The following FER1L6 variants were observed in gnomAD, a reference collection of about 807,000 sequenced individuals.
The protein encoded by FER1L6 is fer-1 like family member 6.
Under a neutral mutation model 219.2 loss-of-function variants are expected in FER1L6, and 177 were observed. That is an observed-to-expected ratio of 0.81 (90% confidence interval 0.71 to 0.91). The LOEUF is 0.91. Ranked by LOEUF, FER1L6 falls within the 40% of genes least tolerant of loss-of-function variation. The probability of loss-of-function intolerance (pLI) is 0.00; values close to 1 mark genes in which losing one functional copy is unlikely to be tolerated. For synonymous variants in FER1L6, 768 were observed against 824.3 expected (o/e 0.93, Z 1.17); for missense variants, 2,153 against 2,259.9 (o/e 0.95, Z 0.96).
rs551744004 is a variant in FER1L6 at position 123,979,970 on chromosome 8, C to T, written c.1064-495C>T. Among the ~76,000 whole-genome samples, 10 of 152,330 alleles carry T rather than the reference C, an allele frequency of 6.6e-5. No homozygotes were observed. In the East Asian group the frequency reaches 1.7e-3, roughly 26 times the overall value. On this transcript the variant is annotated intron_variant, in intron 10 of 40. Coordinates refer to ENST00000522917, the MANE Select transcript of FER1L6 (RefSeq NM_001039112.2). Reference sequence around the variant, plus strand: ...TTCTAACTGGCACATGCTCCTCCCTCTAGCCAGAACACACACTCTCTCTCT... The same window carrying T: ...TTCTAACTGGCACATGCTCCTCCCTTTAGCCAGAACACACACTCTCTCTCT...
intron 2 of FER1L6, among the ~76,000 whole-genome samples, chr8:123,960,616 T>C (rs2130165716): frequency 6.6e-6 from 1 of 152,232 alleles, no homozygotes; most frequent in African/African-American, 2.4e-5. Flanking sequence ...TCAGTATCAC[T>C]GGGCCAAAAT....
intron 1 of FER1L6, among the ~76,000 whole-genome samples, chr8:123,893,966 A>G (rs528342065): frequency 6.6e-6 from 1 of 152,170 alleles, no homozygotes; most frequent in Non-Finnish European, 1.5e-5. Flanking sequence ...TGCCCACAGC[A>G]CCCCTCCTCA....
chr8:123,975,147 C>A lies in FER1L6; in HGVS notation c.527-3C>A. ...GATGTGAGCTGTCAGGGTGCTTTCACAGGTCATCAGTTCTGCAACAAGTGG... is the reference window on the plus strand; with the variant it reads ...GATGTGAGCTGTCAGGGTGCTTTCAAAGGTCATCAGTTCTGCAACAAGTGG... On this transcript the variant is annotated splice_polypyrimidine_tract_variant and splice_region_variant and intron_variant, in intron 7 of 40. Coordinates refer to ENST00000522917, the MANE Select transcript of FER1L6 (RefSeq NM_001039112.2). The A allele has an allele frequency of 6.3e-7, 1 of 1,586,596 alleles. No homozygotes were observed. The highest frequency in any genetic ancestry group is 8.6e-7 in the Non-Finnish European group (1 of 1,164,366).
intron 1 of FER1L6, chr8:123,925,010 T>C (rs1466890121): frequency 6.6e-6 from 1 of 152,236 alleles, no homozygotes; most frequent in Non-Finnish European, 1.5e-5. Context: ...CTATCTAAAA[T>C]TCAATTTCCT....
chr8:123,974,870 C>T (rs1294775956), intron 7 of FER1L6, among the ~76,000 whole-genome samples: 2 of 151,894 alleles, frequency 1.3e-5, no homozygotes, highest in Non-Finnish European at 2.9e-5. Flanking sequence ...TCCCCCTATT[C>T]CATCAAAGAT....
At chr8:124,066,723 G>A (rs1820845986) in intron 27 of FER1L6, among the ~76,000 whole-genome samples, 173 bp downstream of exon 27, 1 of 152,168 alleles carries the variant, frequency 6.6e-6, no homozygotes, top group South Asian at 2.1e-4. Flanking sequence ...CAGAGATACG[G>A]AATTACAAAA....
intron 18 of FER1L6, among the ~76,000 whole-genome samples, chr8:124,025,845 TTC>T (rs1554634296): frequency 5.1e-4 from 13 of 25,252 alleles, no homozygotes; most frequent in African/African-American, 4.3e-3. Flanking sequence ...TCATCTATGA[TTC>T]TTAGAATGAA....
At chr8:124,050,235 A>C (rs1819945981) in intron 22 of FER1L6, among the ~76,000 whole-genome samples, 1 of 152,202 alleles carries the variant, frequency 6.6e-6, no homozygotes, top group South Asian at 2.1e-4. Flanking sequence ...CTGACTTATC[A>C]CACAGCTGGG....
Position 124,097,347 on chromosome 8 carries a change from G to C in FER1L6, c.4772G>C (p.Arg1591Thr). 6.2e-7 allele frequency: 1 copy of C among 1,612,532 alleles called. No individual in the cohort carries two copies. The highest frequency in any genetic ancestry group is 8.5e-7 in the Non-Finnish European group (1 of 1,178,888). Residue 1591 changes from arginine (R) to threonine (T), a missense_variant, in exon 36 of 41, where the codon AGG becomes ACG. By Grantham distance (71) the Arg-to-Thr change is moderately conservative (BLOSUM62 -1). Coordinates refer to ENST00000522917, the MANE Select transcript of FER1L6 (RefSeq NM_001039112.2). The part of the protein sequence containing the change: ...QPGPPVDISP[R>T]RPKGYELRVT... Reference sequence around the variant, plus strand: ...GGACCTCCTGTTGACATCTCTCCAAGGCGACCCAAAGGGTATGTCAGCTGT... The same window carrying C: ...GGACCTCCTGTTGACATCTCTCCAACGCGACCCAAAGGGTATGTCAGCTGT...
intron 25 of FER1L6, 116 bp downstream of exon 25, chr8:124,062,148 C>A: frequency 1.8e-6 from 2 of 1,084,956 alleles, no homozygotes; most frequent in Non-Finnish European, 2.7e-6. Flanking sequence ...CTGGGTGGAT[C>A]TTTCTGATGA....
chr8:123,958,934 G>C (rs1051631743), intron 2 of FER1L6, among the ~76,000 whole-genome samples: 1 of 151,810 alleles, frequency 6.6e-6, no homozygotes, highest in South Asian at 2.1e-4. Flanking sequence ...GGGCCTTGTG[G>C]ATAGAGCGCA....
At chr8:123,888,638 C>T (rs1249180203) in intron 1 of FER1L6, among the ~76,000 whole-genome samples, 1 of 152,152 alleles carries the variant, frequency 6.6e-6, no homozygotes, top group Non-Finnish European at 1.5e-5. Flanking sequence ...AAAAATCAAA[C>T]TGCCTTGGAA....
At chr8:123,876,383 A>G (rs1472070748) in intron 1 of FER1L6, among the ~76,000 whole-genome samples, 2 of 151,700 alleles carry the variant, frequency 1.3e-5, no homozygotes, top group African/African-American at 4.8e-5. Flanking sequence ...CAGTGGCATG[A>G]TCACAGCTCA....
In FER1L6 at chr8:124,091,431, A is replaced by G; in HGVS notation, c.4400A>G (p.Tyr1467Cys). 30 of 1,613,854 alleles carry G rather than the reference A, an allele frequency of 1.9e-5. No homozygotes were observed. The highest frequency in any genetic ancestry group is 2.2e-5 in the Non-Finnish European group (26 of 1,179,770). ...CTCCCTCCACTTTTCAGAGAAGGAT[A>G]CAATGCCTGGAGAGACACGTCCAAA... The part of the protein sequence containing the change: ...GLQSQYEIEG[Y>C]NAWRDTSKPT... The change falls in exon 34 of 41, where the codon TAC (tyrosine) becomes TGC (cysteine). Residue 1467 changes from tyrosine (Y) to cysteine (C), a missense_variant. By Grantham distance (194) the Tyr-to-Cys change is radical. Coordinates refer to ENST00000522917, the MANE Select transcript of FER1L6 (RefSeq NM_001039112.2).
chr8:124,049,478 G>GAGAA, intron 21 of FER1L6, 129 bp from the exon 22 acceptor site: 1 of 1,066,450 alleles, frequency 9.4e-7, no homozygotes, highest in Non-Finnish European at 1.4e-6. Flanking sequence ...AGCTTGGCAG[G>GAGAA]AGAAAAGAGT....
chr8:123,964,787 A>G (rs750955254), intron 3 of FER1L6, among the ~76,000 whole-genome samples: 6 of 152,200 alleles, frequency 3.9e-5, no homozygotes, highest in Non-Finnish European at 5.9e-5. Flanking sequence ...CAACCTCTGC[A>G]GTGAAATCTT....
intron 1 of FER1L6, among the ~76,000 whole-genome samples, chr8:123,918,308 CAAAAA>C: frequency 8.1e-6 from 1 of 123,788 alleles, no homozygotes; most frequent in South Asian, 2.5e-4. Context: ...CAACCTGTCT[CAAAAA>C]AAAAAAAAAA....
At chr8:123,923,897 G>A (rs958508778) in intron 1 of FER1L6, among the ~76,000 whole-genome samples, 1 of 139,966 alleles carries the variant, frequency 7.1e-6, no homozygotes, top group Admixed American at 7.7e-5. Context: ...CCGAGATCAC[G>A]CCCCCGCGCT....
At chr8:123,866,620 G>T (rs1816841761) in intron 1 of FER1L6, among the ~76,000 whole-genome samples, 1 of 152,122 alleles carries the variant, frequency 6.6e-6, no homozygotes, top group Non-Finnish European at 1.5e-5. Flanking sequence ...AGCACAGCAA[G>T]GTTTCCTTGT....
Sources: allele counts gnomAD v4.1 joint callset (sites outside exome capture counted in the v4.1 genomes callset), GRCh38; gene constraint gnomAD v4.1.1; transcripts MANE v1.5; gene names NCBI Gene and HGNC (gene_info 2026-07-23, HGNC 2026-07-21).